IRF6: variants seen among roughly 807,000 people sequenced by gnomAD.
IRF6 encodes interferon regulatory factor 6, also known as Van der Woude syndrome.
A neutral mutation model predicts 51.4 loss-of-function variants in IRF6; 6 were observed. That is an observed-to-expected ratio of 0.12 (90% CI 0.06 to 0.23). The LOEUF (loss-of-function observed/expected upper bound fraction) is 0.23, where lower values mean the gene tolerates loss of function less well. Ranked by LOEUF, IRF6 falls within the 10% of genes least tolerant of loss-of-function variation. The pLI is 1.00. For synonymous variants in IRF6, 178 were observed against 215.7 expected, an observed-to-expected ratio of 0.83 and a Z score of 1.53; for missense variants, 348 against 585.2, an observed-to-expected ratio of 0.59 and a Z score of 4.18.
At chr1:209,800,628 GTGTGC>G (rs1373761202) in intron 3 of IRF6, among the ~76,000 whole-genome samples, 7 of 152,078 alleles carry the variant, frequency 4.6e-5, no homozygotes, top group South Asian at 4.2e-4. Flanking sequence ...GCGTGGTGGT[GTGTGC>G]TTATAGTTCC....
rs2077899235 is a variant in IRF6 at position 209,796,046 on chromosome 1, C to A, written c.379+302G>T. 6.6e-6 allele frequency among the ~76,000 whole-genome samples: 1 copy of A among 152,150 alleles called. No homozygotes were observed. The highest frequency in any genetic ancestry group is 2.1e-4 in the South Asian group (1 of 4,824). On this transcript the variant is annotated intron_variant, in intron 4 of 8. Transcript: ENST00000367021. The surrounding 1 kb of genome is among the most constrained non-coding windows in gnomAD (Gnocchi z 4.5). ...GAACGCAAACCTTTTAAGCTTTAATCCCTTCTCCTTCAAAACTACCTGGCC... is the reference window on the plus strand; with the variant it reads ...GAACGCAAACCTTTTAAGCTTTAATACCTTCTCCTTCAAAACTACCTGGCC...
rs111967373 is a variant in IRF6, at chr1:209,795,413, T to C, written c.385A>G (p.Thr129Ala). The part of the protein sequence containing the change: ...PQGSIINPGS[T>A]GSAPWDEKDN... Reference sequence around the variant, plus strand: ...TTCTCATCCCAGGGAGCAGACCCTGTGGATCCTACCCAAGATACACAAGCT... The same window carrying C: ...TTCTCATCCCAGGGAGCAGACCCTGCGGATCCTACCCAAGATACACAAGCT... Residue 129 changes from threonine (T) to alanine (A), a missense_variant, in exon 5 of 9, where the codon ACA becomes GCA. Physicochemically the swap from Thr to Ala is moderately conservative, Grantham distance 58. This residue lies in a region of IRF6 where 124 missense variants were observed against 141.6 expected (regional missense o/e 0.88). Transcript: ENST00000367021. 5.6e-6 allele frequency: 9 copies of C among 1,614,102 alleles called. No homozygotes were observed. The highest frequency in any genetic ancestry group is 1.1e-5 in the South Asian group (1 of 91,084).
chr1:209,789,788 G>T lies in IRF6; in HGVS notation c.1061-3C>A. ...TCCTTTCTGGTGGGCAATGAGATCT[G>T]CAGAAAGTGGAAGAGCAAGTTTGGT... On this transcript the variant is annotated splice_region_variant and splice_polypyrimidine_tract_variant and intron_variant, in intron 7 of 8. Transcript: ENST00000367021. 1 of 1,604,760 alleles carries T rather than the reference G, an allele frequency of 6.2e-7. No individual in the cohort carries two copies. The highest frequency in any genetic ancestry group is 8.5e-7 in the Non-Finnish European group (1 of 1,172,064).
Position 209,790,416 on chromosome 1 carries a change from A to AT in IRF6, c.1060+78_1060+79insA, listed in dbSNP as rs2077862035. 2.0e-6 allele frequency: 3 copies of AT among 1,496,472 alleles called. No homozygotes were observed. Among genetic ancestry groups the AT allele is most frequent in the Non-Finnish European group, 2.8e-6 (3 of 1,075,730 alleles). 92.7% of individuals were successfully genotyped at this position (1,496,472 alleles called of 1,614,324 possible). On this transcript the variant is annotated intron_variant, in intron 7 of 8. Transcript: ENST00000367021. This position sits in a 1 kb window ranked among gnomAD's most constrained non-coding sequence, Gnocchi z 4.8. ...TCTTTGCCATGCCAGGAAAGCAGGAAGGTGAAAGACAGGGATAGTGGAAGG... is the reference window on the plus strand; with the variant it reads ...TCTTTGCCATGCCAGGAAAGCAGGAATGGTGAAAGACAGGGATAGTGGAAGG...
intron 3 of IRF6, among the ~76,000 whole-genome samples, chr1:209,799,393 T>C (rs1183397552): frequency 6.6e-6 from 1 of 152,210 alleles, no homozygotes; most frequent in Non-Finnish European, 1.5e-5. Context: ...GGCTTCTGTA[T>C]CAACAACATG....
In IRF6 at chr1:209,796,393, G is replaced by C. The variant is rs116264750; in HGVS notation, c.334C>G (p.Gln112Glu). 61 of 1,614,120 alleles carry C rather than the reference G, an allele frequency of 3.8e-5. No homozygotes were observed. The African/African-American group carries it at 7.7e-4, about 20-fold the overall frequency. Residue 112 changes from glutamine to glutamate, a missense_variant, in exon 4 of 9, where the codon CAA (glutamine) becomes GAA (glutamate). This residue lies in a region of IRF6 where 124 missense variants were observed against 141.6 expected (regional missense o/e 0.88). Coordinates refer to ENST00000367021, the MANE Select transcript of IRF6 (RefSeq NM_006147.4). The surrounding 1 kb of genome is among the most constrained non-coding windows in gnomAD (Gnocchi z 4.5). ...EVPMNPVKIY[Q>E]VCDIPQPQGS... ...TGGGGCTGAGGGATGTCACACACTTGATATATCTTCACTGGGTTCATGGGC... is the reference window on the plus strand; with the variant it reads ...TGGGGCTGAGGGATGTCACACACTTCATATATCTTCACTGGGTTCATGGGC...
At position 209,788,434 on chromosome 1, in the gene IRF6, G is replaced by C; in HGVS notation, c.1390C>G (p.Leu464Val). ...GGCATTCACAATTACTGGGGAGGCA[G>C]GGCAGGGGGCAGTTGCATGCTGGGG... Reference protein sequence around the residue: ...PTPSMQLPPALPPQ With the variant: ...PTPSMQLPPAVPPQ Residue 464 changes from leucine to valine, a missense_variant, in exon 9 of 9, where the codon CTG becomes GTG. By Grantham distance (32) the Leu-to-Val change is conservative. Transcript: ENST00000367021. The C allele has an allele frequency of 6.2e-7, 1 of 1,609,150 alleles. No homozygotes were observed. Among genetic ancestry groups the C allele is most frequent in the Non-Finnish European group, 8.5e-7 (1 of 1,175,970 alleles).
chr1:209,801,348 G>A lies in IRF6; in HGVS notation c.66C>T (p.Leu22=), dbSNP rs778205016. The change falls in exon 3 of 9, where the codon CTC becomes CTT. Residue 22 remains leucine (L), a synonymous_variant. Coordinates refer to ENST00000367021, the MANE Select transcript of IRF6 (RefSeq NM_006147.4). ...PWLVAQVDSG[L]YPGLIWLHRD... ...TGTGTAGCCAGATGAGCCCAGGGTA[G>A]AGGCCACTATCCACCTGGGCCACCA... 6.2e-7 allele frequency: 1 copy of A among 1,613,950 alleles called. No individual in the cohort carries two copies. The highest frequency in any genetic ancestry group is 2.2e-5 in the East Asian group (1 of 44,884).
rs778531449 is a variant in IRF6, at chr1:209,790,713, T to C, written c.842A>G (p.His281Arg). The change falls in exon 7 of 9, where the codon CAT (histidine) becomes CGT (arginine). Residue 281 changes from histidine to arginine, a missense_variant. Around this residue, in one of 5 missense-constraint regions of IRF6, gnomAD observed 125 missense variants for 222.0 expected, o/e 0.56. Coordinates refer to ENST00000367021, the MANE Select transcript of IRF6 (RefSeq NM_006147.4). The surrounding 1 kb of genome is among the most constrained non-coding windows in gnomAD (Gnocchi z 4.8). ...LEQVKFPGPE[H>R]ITNEKQKLFT... ...CAGCTTCTGCTTCTCATTGGTAATA[T>C]GCTCAGGACCTGGGAATTTGACCTG... The C allele has an allele frequency of 6.2e-7, 1 of 1,614,176 alleles. No individual in the cohort carries two copies. Among genetic ancestry groups the C allele is most frequent in the Non-Finnish European group, 8.5e-7 (1 of 1,180,028 alleles).
chr1:209,790,384 T>C lies in IRF6; in HGVS notation c.1060+111A>G, dbSNP rs1266055665. On this transcript the variant is annotated intron_variant, in intron 7 of 8. Coordinates refer to ENST00000367021, the MANE Select transcript of IRF6 (RefSeq NM_006147.4). The surrounding 1 kb of genome is among the most constrained non-coding windows in gnomAD (Gnocchi z 4.8). ...CCTTGACCTCCTCCAGACTAAATTT[T>C]TTAAGATCTTTGCCATGCCAGGAAA... 23 of 1,345,652 alleles carry C rather than the reference T, an allele frequency of 1.7e-5. No homozygotes were observed. Among genetic ancestry groups the C allele is most frequent in the Non-Finnish European group, 2.4e-5 (23 of 947,696 alleles). 83.4% of individuals were successfully genotyped at this position (1,345,652 alleles called of 1,614,324 possible).
chr1:209,790,021 G>A lies in IRF6; in HGVS notation c.1061-236C>T, dbSNP rs960848084. Among the ~76,000 whole-genome samples the A allele has an allele frequency of 6.6e-6, 1 of 152,136 alleles. No individual in the cohort carries two copies. Among genetic ancestry groups the A allele is most frequent in the Non-Finnish European group, 1.5e-5 (1 of 68,030 alleles). On this transcript the variant is annotated intron_variant, in intron 7 of 8. Transcript: ENST00000367021. This position sits in a 1 kb window ranked among gnomAD's most constrained non-coding sequence, Gnocchi z 4.8. ...ATATTGAACAGTACAAATTACAGAG[G>A]GTTCTCTTGGACATCATTGATCATG...
Position 209,790,994 on chromosome 1 carries a change from C to G in IRF6, c.668-107G>C. ...ATCAAGCCACCTTTCAACCAGCATTCAGGAAGGCCACTGCCATAGTTATCC... is the reference window on the plus strand; with the variant it reads ...ATCAAGCCACCTTTCAACCAGCATTGAGGAAGGCCACTGCCATAGTTATCC... On this transcript the variant is annotated intron_variant, in intron 6 of 8. Coordinates refer to ENST00000367021, the MANE Select transcript of IRF6 (RefSeq NM_006147.4). The surrounding 1 kb of genome is among the most constrained non-coding windows in gnomAD (Gnocchi z 4.8). 6 of 1,596,214 alleles carry G rather than the reference C, an allele frequency of 3.8e-6. No individual in the cohort carries two copies. Among genetic ancestry groups the G allele is most frequent in the Non-Finnish European group, 5.1e-6 (6 of 1,176,908 alleles).
At chr1:209,797,766 T>C (rs2077912168) in intron 3 of IRF6, among the ~76,000 whole-genome samples, 1 of 152,176 alleles carries the variant, frequency 6.6e-6, no homozygotes, top group Non-Finnish European at 1.5e-5. Context: ...CTAACAGGCA[T>C]TCTTGTTTCT....
At chr1:209,800,063 G>A (rs1282275690) in intron 3 of IRF6, among the ~76,000 whole-genome samples, 1 of 152,184 alleles carries the variant, frequency 6.6e-6, no homozygotes. Context: ...AGTAGAGACT[G>A]TATTTCACTT....
At position 209,790,458 on chromosome 1, in the gene IRF6, G is replaced by A. The variant is rs2235373; in HGVS notation, c.1060+37C>T. Reference sequence around the variant, plus strand: ...AGTGGAAGGAATGTACTTCCAGAGAGTGATTCCCACGATCAACTTTCTGAG... The same window carrying A: ...AGTGGAAGGAATGTACTTCCAGAGAATGATTCCCACGATCAACTTTCTGAG... On this transcript the variant is annotated intron_variant, in intron 7 of 8. Transcript: ENST00000367021. The surrounding 1 kb of genome is among the most constrained non-coding windows in gnomAD (Gnocchi z 4.8). The A allele has an allele frequency of 0.2, 320,651 of 1,602,858 alleles. 36,009 individuals carry two copies. The highest frequency in any genetic ancestry group is 0.47 in the East Asian group (20,982 of 44,820).
At position 209,789,790 on chromosome 1, in the gene IRF6, A is replaced by C; in HGVS notation, c.1061-5T>G. 6.3e-7 allele frequency: 1 copy of C among 1,599,446 alleles called. No individual in the cohort carries two copies. The stretch of plus-strand genomic sequence containing the variant: ...CTTTCTGGTGGGCAATGAGATCTGC[A>C]GAAAGTGGAAGAGCAAGTTTGGTAT... On this transcript the variant is annotated splice_region_variant and splice_polypyrimidine_tract_variant and intron_variant, in intron 7 of 8. Coordinates refer to ENST00000367021, the MANE Select transcript of IRF6 (RefSeq NM_006147.4).
chr1:209,799,614 C>T (rs902681109), intron 3 of IRF6, among the ~76,000 whole-genome samples: 4 of 152,180 alleles, frequency 2.6e-5, no homozygotes, highest in Admixed American at 2.6e-4. Context: ...TTTCCTCAAG[C>T]CCCAAGCATG....
At chr1:209,799,375 T>C (rs2077925558) in intron 3 of IRF6, among the ~76,000 whole-genome samples, 1 of 152,194 alleles carries the variant, frequency 6.6e-6, no homozygotes, top group Admixed American at 6.5e-5. Context: ...TCAGCCCCTC[T>C]AAGACTTGGC....
chr1:209,802,275 C>G (rs563424695), intron 1 of IRF6: 1 of 152,370 alleles, frequency 6.6e-6, no homozygotes, highest in Admixed American at 6.5e-5. Context: ...TCCCTTGGGT[C>G]TGTTTATCTC....
Sources: gnomAD v4.1 joint callset for allele counts (sites outside exome capture counted in the v4.1 genomes callset) on GRCh38, gnomAD v4.1.1 for gene constraint, gnomAD v4.1.1 regional missense constraint, Gnocchi (gnomAD v3.1) non-coding constraint, MANE v1.5 for transcripts, NCBI Gene and HGNC (gene_info 2026-07-23, HGNC 2026-07-21) for gene names.